Variants in NCKAP1 observed in about 807,000 individuals in gnomAD.
NCKAP1 encodes nck-associated protein 1.
NCKAP1 carries 21 observed loss-of-function variants against 151.2 expected under a neutral mutation model. That is an observed-to-expected ratio of 0.14 (90% CI 0.10 to 0.20). NCKAP1 has a LOEUF of 0.20. NCKAP1 is among the 10% of genes least tolerant of loss of function. The probability of loss-of-function intolerance (pLI) is 1.00; values close to 1 mark genes in which losing one functional copy is unlikely to be tolerated. For missense variants in NCKAP1, 933 were observed against 1,352.1 expected, an observed-to-expected ratio of 0.69 and a Z score of 4.86; for synonymous variants, 484 against 451.8, an observed-to-expected ratio of 1.07 and a Z score of -0.90.
chr2:182,982,595 A>G (rs1697962945), intron 12 of NCKAP1, among the ~76,000 whole-genome samples: 1 of 152,332 alleles, frequency 6.6e-6, no homozygotes, highest in African/African-American at 2.4e-5. Flanking sequence ...TCTTCAGTGT[A>G]CTATGTTGCC....
rs1355460965 is a variant in NCKAP1 at position 182,953,300 on chromosome 2, C to T, written c.2185G>A (p.Ala729Thr). Residue 729 changes from alanine (A) to threonine (T), a missense_variant, in exon 21 of 31, where the codon GCC becomes ACC. Ala to Thr is a moderately conservative substitution (Grantham distance 58). Coordinates refer to ENST00000361354, the MANE Select transcript of NCKAP1 (RefSeq NM_013436.5). ...GAAGGTTTTGCAATTTCCTGTGTGG[C>T]TTGATTATACATAGTCATCCCAACA... ...SIVGMTMYNQ[A>T]TQEIAKPSEL... 1.9e-6 allele frequency: 3 copies of T among 1,613,126 alleles called. No homozygotes were observed. The highest frequency in any genetic ancestry group is 1.7e-6 in the Non-Finnish European group (2 of 1,179,434).
chr2:182,969,072 A>C (rs893095535), intron 15 of NCKAP1, among the ~76,000 whole-genome samples: 2 of 152,220 alleles, frequency 1.3e-5, no homozygotes, highest in African/African-American at 4.8e-5. Context: ...TTTAGAGTAT[A>C]AACAGGAATT....
intron 24 of NCKAP1, among the ~76,000 whole-genome samples, chr2:182,937,732 AT>A (rs1257288297): frequency 6.6e-6 from 1 of 152,222 alleles, no homozygotes; most frequent in Non-Finnish European, 1.5e-5. Context: ...TGACACACCA[AT>A]TTGTAAACTC....
In NCKAP1 at chr2:182,960,440, C is replaced by T. The variant is rs1227606182; in HGVS notation, c.1881+1719G>A. Reference sequence around the variant, plus strand: ...AGAAATAATGCCGCATATCTACAACCATCTGATCTTTGACAAACCTGAGAA... The same window carrying T: ...AGAAATAATGCCGCATATCTACAACTATCTGATCTTTGACAAACCTGAGAA... On this transcript the variant is annotated intron_variant, in intron 18 of 30. Coordinates refer to ENST00000361354, the MANE Select transcript of NCKAP1 (RefSeq NM_013436.5). Among the ~76,000 whole-genome samples, 8 of 152,122 alleles carry T rather than the reference C, an allele frequency of 5.3e-5. No individual in the cohort carries two copies. The East Asian group carries it at 5.8e-4, about 11-fold the overall frequency.
At chr2:182,943,192 G>T (rs529382094) in intron 23 of NCKAP1, among the ~76,000 whole-genome samples, 1 of 152,006 alleles carries the variant, frequency 6.6e-6, no homozygotes, top group African/African-American at 2.4e-5. Flanking sequence ...TTCATTCTTG[G>T]TTATTTCAAT....
intron 1 of NCKAP1, among the ~76,000 whole-genome samples, chr2:183,034,928 T>TTAGAGAA (rs1383711224): frequency 1.1e-4 from 16 of 152,132 alleles, no homozygotes; most frequent in Non-Finnish European, 1.2e-4. Context: ...CTAACCAATG[T>TTAGAGAA]TAGAGAACTC....
Position 182,910,790 on chromosome 2 carries a change from T to C in NCKAP1, c.*14912A>G, listed in dbSNP as rs545968977. ...TTTCTTCACTCCTCATCTTGAGGGGTAAGTGGGCAAACATCAAGAACACTG... is the reference window on the plus strand; with the variant it reads ...TTTCTTCACTCCTCATCTTGAGGGGCAAGTGGGCAAACATCAAGAACACTG... On this transcript the variant is annotated 3_prime_UTR_variant, in exon 31 of 31. Transcript: ENST00000361354. The C allele has an allele frequency of 7.9e-5, 12 of 152,284 alleles. No individual in the cohort carries two copies. The East Asian group carries it at 2.3e-3, about 29-fold the overall frequency. 9.4% of individuals were successfully genotyped at this position (152,284 alleles called of 1,614,324 possible). A position where few individuals can be genotyped will look rare whatever the true frequency, so the allele number is the denominator to read the frequency against.
intron 15 of NCKAP1, among the ~76,000 whole-genome samples, chr2:182,972,430 A>T (rs1559088024): frequency 6.6e-6 from 1 of 152,098 alleles, no homozygotes; most frequent in Admixed American, 6.5e-5. Flanking sequence ...ATAAATGCTA[A>T]CGAGGATGTG....
intron 4 of NCKAP1, 60 bp from the exon 5 acceptor site, chr2:183,002,329 CA>C (rs1310232018): frequency 1.7e-6 from 2 of 1,162,220 alleles, no homozygotes. Context: ...TAAACACACA[CA>C]AAATCTTCAT....
At chr2:183,031,289 T>C (rs1197852823) in intron 1 of NCKAP1, among the ~76,000 whole-genome samples, 1 of 152,214 alleles carries the variant, frequency 6.6e-6, no homozygotes, top group East Asian at 1.9e-4. Flanking sequence ...CAAGAAGATA[T>C]ATATGTCACT....
chr2:183,038,299 G>A lies in NCKAP1; in HGVS notation c.-200C>T. The stretch of plus-strand genomic sequence containing the variant: ...CGGACTCCTCGGAGCCCCTTCTCCC[G>A]CAGCAGCCCGCGCCCCGGCAGCCTC... On this transcript the variant is annotated 5_prime_UTR_variant, in exon 1 of 31. Coordinates refer to ENST00000361354, the MANE Select transcript of NCKAP1 (RefSeq NM_013436.5). 2.7e-6 allele frequency: 1 copy of A among 368,500 alleles called. No individual in the cohort carries two copies. The highest frequency in any genetic ancestry group is 4.8e-6 in the Non-Finnish European group (1 of 207,822). The allele number at this position is 368,500 out of a possible 1,614,324, so 22.8% of individuals were successfully genotyped here. A position where few individuals can be genotyped will look rare whatever the true frequency, so the allele number is the denominator to read the frequency against.
chr2:182,953,524 A>G (rs571105395), intron 20 of NCKAP1, among the ~76,000 whole-genome samples, 193 bp from the exon 21 acceptor site: 2 of 152,346 alleles, frequency 1.3e-5, no homozygotes, highest in South Asian at 2.1e-4. Context: ...AAGGCCGGGC[A>G]TGGTGGTTCA....
intron 23 of NCKAP1, among the ~76,000 whole-genome samples, chr2:182,949,746 G>A (rs2105819206): frequency 6.6e-6 from 1 of 152,346 alleles, no homozygotes; most frequent in East Asian, 1.9e-4. Flanking sequence ...AGTGAGTCAT[G>A]ATCACACCAC....
At position 182,994,899 on chromosome 2, in the gene NCKAP1, A is replaced by T. The variant is rs1393278112; in HGVS notation, c.742-12T>A. 6.3e-7 allele frequency: 1 copy of T among 1,591,106 alleles called. No individual in the cohort carries two copies. Among genetic ancestry groups the T allele is most frequent in the Admixed American group, 1.7e-5 (1 of 59,416 alleles). On this transcript the variant is annotated splice_polypyrimidine_tract_variant and intron_variant, in intron 7 of 30. Coordinates refer to ENST00000361354, the MANE Select transcript of NCKAP1 (RefSeq NM_013436.5). The stretch of plus-strand genomic sequence containing the variant: ...TATTCACAAGGCATCTTAAAAAGAG[A>T]ATATATACATTTGCAGTTAAAAGAA...
In NCKAP1 at chr2:182,917,475, A is replaced by G. The variant is rs1696486446; in HGVS notation, c.*8227T>C. ...AATAGGTTGAACCAGATAATCTCTA[A>G]GGCTCTTCCAGCTACAAATGACTAA... On this transcript the variant is annotated 3_prime_UTR_variant, in exon 31 of 31. Coordinates refer to ENST00000361354, the MANE Select transcript of NCKAP1 (RefSeq NM_013436.5). The G allele has an allele frequency of 6.6e-6, 1 of 152,234 alleles. No individual in the cohort carries two copies. Among genetic ancestry groups the G allele is most frequent in the East Asian group, 1.9e-4 (1 of 5,204 alleles). 9.4% of individuals were successfully genotyped at this position (152,234 alleles called of 1,614,324 possible). A position where few individuals can be genotyped will look rare whatever the true frequency, so the allele number is the denominator to read the frequency against.
chr2:182,964,223 C>A (rs950408462), intron 17 of NCKAP1, among the ~76,000 whole-genome samples: 5 of 152,102 alleles, frequency 3.3e-5, no homozygotes, highest in African/African-American at 1.2e-4. Flanking sequence ...ATGTATCCCA[C>A]AAGTATCACA....
At chr2:183,028,146 T>A (rs921028370) in intron 1 of NCKAP1, among the ~76,000 whole-genome samples, 1 of 151,842 alleles carries the variant, frequency 6.6e-6, no homozygotes, top group Non-Finnish European at 1.5e-5. Flanking sequence ...GTGAATACAG[T>A]GTAAAATGAT....
At chr2:183,000,429 AT>A (rs377137249) in intron 6 of NCKAP1, among the ~76,000 whole-genome samples, 9 of 152,304 alleles carry the variant, frequency 5.9e-5, no homozygotes, top group African/African-American at 2.2e-4. Context: ...AAATAGCTAA[AT>A]AAAAACAAGA....
intron 27 of NCKAP1, 124 bp downstream of exon 27, chr2:182,930,571 A>G (rs748191598): frequency 9.8e-6 from 7 of 716,388 alleles, no homozygotes; most frequent in East Asian, 8.1e-5. Flanking sequence ...AGCAATAATA[A>G]TAACAAATTT....
Sources: allele counts gnomAD v4.1 joint callset (sites outside exome capture counted in the v4.1 genomes callset), GRCh38; gene constraint gnomAD v4.1.1; transcripts MANE v1.5; gene names NCBI Gene and HGNC (gene_info 2026-07-23, HGNC 2026-07-21).